NDC80: variants seen among roughly 807,000 people sequenced by gnomAD.
The protein encoded by NDC80 is NDC80 kinetochore complex component.
A neutral mutation model predicts 89.3 loss-of-function variants in NDC80; 69 were observed. The observed-to-expected ratio is 0.77, with a 90% CI of 0.64 to 0.94. The LOEUF is 0.94. Among genes scored for constraint, NDC80 ranks in the 40% least tolerant of loss-of-function variants. The pLI is 0.00. For missense variants in NDC80, 593 were observed against 739.6 expected, an observed-to-expected ratio of 0.80 and a Z score of 2.30; for synonymous variants, 243 against 255.6, an observed-to-expected ratio of 0.95 and a Z score of 0.47.
rs2072539180 is a variant in NDC80, at chr18:2,575,032, A to G, written c.145A>G (p.Thr49Ala). 9 of 1,612,376 alleles carry G rather than the reference A, an allele frequency of 5.6e-6. No individual in the cohort carries two copies. The East Asian group carries it at 2.0e-4, about 36-fold the overall frequency. The change falls in exon 3 of 17, where the codon ACA becomes GCA. Residue 49 changes from threonine to alanine, a missense_variant. Thr to Ala is a moderately conservative substitution (Grantham distance 58, BLOSUM62 0). Transcript: ENST00000261597. The stretch of plus-strand genomic sequence containing the variant: ...TGGAAAGTTGAGTATAAACAAACCG[A>G]CATCTGAAAGAAAAGTCTCGCTATT... ...TFGKLSINKP[T>A]SERKVSLFGK...
chr18:2,604,460 A>G (rs2072700039), intron 13 of NDC80, among the ~76,000 whole-genome samples: 1 of 152,216 alleles, frequency 6.6e-6, no homozygotes, highest in Admixed American at 6.5e-5. Context: ...AGGCGGGTGG[A>G]TGGCTTGAGC....
chr18:2,598,911 A>G (rs2072670416), intron 11 of NDC80, 108 bp from the exon 12 acceptor site: 3 of 1,100,220 alleles, frequency 2.7e-6, no homozygotes, highest in East Asian at 2.6e-5. Context: ...TTAGTAAACT[A>G]CTAAAAATAG....
chr18:2,591,784 TTGC>T (rs901384814), intron 10 of NDC80, among the ~76,000 whole-genome samples: 2 of 151,328 alleles, frequency 1.3e-5, no homozygotes, highest in African/African-American at 4.9e-5. Flanking sequence ...AGATGTAGTC[TTGC>T]TGTGTCACCC....
chr18:2,589,110 G>A (rs2072614939), intron 8 of NDC80, 94 bp from the exon 9 acceptor site: 2 of 797,414 alleles, frequency 2.5e-6, no homozygotes, highest in Non-Finnish European at 4.4e-6. Flanking sequence ...GCAGAGACCA[G>A]AAGGAAGTGA....
At chr18:2,585,676 G>A (rs564138785) in intron 7 of NDC80, among the ~76,000 whole-genome samples, 1 of 150,540 alleles carries the variant, frequency 6.6e-6, no homozygotes, top group East Asian at 2.0e-4. Flanking sequence ...TTATAAATTT[G>A]TTTTTTTTAA....
chr18:2,578,762 C>G (rs1263002226), intron 5 of NDC80, among the ~76,000 whole-genome samples, 165 bp from the exon 6 acceptor site: 1 of 152,222 alleles, frequency 6.6e-6, no homozygotes, highest in Non-Finnish European at 1.5e-5. Flanking sequence ...GAGAAATACA[C>G]AGAGATAAGA....
At chr18:2,581,267 G>A (rs1323532447) in intron 6 of NDC80, among the ~76,000 whole-genome samples, 3 of 152,114 alleles carry the variant, frequency 2.0e-5, no homozygotes, top group African/African-American at 7.2e-5. Flanking sequence ...TCTTTGTGCT[G>A]TGTTTAAATC....
rs774669211 is a variant in NDC80, at chr18:2,608,849, G to C, written c.1688+19G>C. 41 of 1,579,634 alleles carry C rather than the reference G, an allele frequency of 2.6e-5. 1 individual carries two copies. Among genetic ancestry groups the C allele is most frequent in the Non-Finnish European group, 3.5e-5 (40 of 1,156,438 alleles). ...AGCGGGAGTAAGTTTATCTCACCAAGATTTATACGTTTATTTTCAGATTAT... is the reference window on the plus strand; with the variant it reads ...AGCGGGAGTAAGTTTATCTCACCAACATTTATACGTTTATTTTCAGATTAT... On this transcript the variant is annotated intron_variant, in intron 15 of 16. Coordinates refer to ENST00000261597, the MANE Select transcript of NDC80 (RefSeq NM_006101.3).
At chr18:2,577,468 C>T (rs1040285622) in intron 3 of NDC80, 4 of 267,742 alleles carry the variant, frequency 1.5e-5, no homozygotes, top group Non-Finnish European at 2.2e-5. Flanking sequence ...ACCGCCTCAG[C>T]CTCCCAAAGT....
At chr18:2,607,817 A>G (rs1031829323) in intron 14 of NDC80, among the ~76,000 whole-genome samples, 1 of 149,788 alleles carries the variant, frequency 6.7e-6, no homozygotes, top group Non-Finnish European at 1.5e-5. Flanking sequence ...TCTTCCAGAT[A>G]TACAAACATA....
At chr18:2,590,270 T>C in intron 10 of NDC80, 108 bp downstream of exon 10, 2 of 1,134,492 alleles carry the variant, frequency 1.8e-6, no homozygotes, top group Non-Finnish European at 2.4e-6. Context: ...GGTACATGCT[T>C]AGAGCAGGCT....
rs142862448 is a variant in NDC80, at chr18:2,578,029, G to C, written c.364G>C (p.Val122Leu). Reference protein sequence around the residue: ...VSMKSLQAPSVKDFLKIFTFL... With the variant: ...VSMKSLQAPSLKDFLKIFTFL... Reference sequence around the variant, plus strand: ...CATGAAATCTCTACAAGCTCCCTCTGTTAAAGACTTCCTGAAGATCTTCAC... The same window carrying C: ...CATGAAATCTCTACAAGCTCCCTCTCTTAAAGACTTCCTGAAGATCTTCAC... Residue 122 changes from valine (V) to leucine (L), a missense_variant, in exon 5 of 17, where the codon GTT becomes CTT. By Grantham distance (32) the Val-to-Leu change is conservative. Transcript: ENST00000261597. The C allele has an allele frequency of 3.3e-4, 528 of 1,613,926 alleles. No individual in the cohort carries two copies. The highest frequency in any genetic ancestry group is 4.2e-4 in the Admixed American group (25 of 60,002).
intron 7 of NDC80, among the ~76,000 whole-genome samples, chr18:2,586,495 C>T (rs1192137678): frequency 1.3e-5 from 2 of 152,082 alleles, no homozygotes; most frequent in African/African-American, 2.4e-5. Context: ...TTTGGGAGGC[C>T]GAGGTGGGCA....
intron 16 of NDC80, chr18:2,614,457 A>AAGAC (rs1598248471): frequency 1.6e-4 from 1 of 6,434 alleles, no homozygotes. Flanking sequence ...GAAAGAAAGA[A>AAGAC]AGAAAGAAAG....
intron 3 of NDC80, 71 bp from the exon 4 acceptor site, chr18:2,577,675 G>T: frequency 1.9e-6 from 3 of 1,551,124 alleles, no homozygotes; most frequent in Non-Finnish European, 2.6e-6. Context: ...ATGCAAAACT[G>T]CCTTGAAATA....
At chr18:2,574,056 A>G (rs184563122) in intron 2 of NDC80, among the ~76,000 whole-genome samples, 1 of 152,294 alleles carries the variant, frequency 6.6e-6, no homozygotes, top group East Asian at 1.9e-4. Flanking sequence ...ACCTTTGACC[A>G]TTTTGTCTTA....
chr18:2,604,176 AAAC>A (rs1369262210), intron 13 of NDC80, among the ~76,000 whole-genome samples: 1 of 151,886 alleles, frequency 6.6e-6, no homozygotes, highest in Non-Finnish European at 1.5e-5. Context: ...ATGGGCATGA[AAAC>A]AATTTCTTCT....
intron 13 of NDC80, among the ~76,000 whole-genome samples, chr18:2,605,333 T>C (rs1025518226): frequency 3.5e-5 from 5 of 144,416 alleles, no homozygotes; most frequent in African/African-American, 1.3e-4. Context: ...TGTGTGTATG[T>C]ACACAATGGA....
intron 8 of NDC80, 74 bp downstream of exon 8, chr18:2,587,997 AT>A: frequency 6.0e-6 from 7 of 1,161,200 alleles, no homozygotes; most frequent in Non-Finnish European, 8.9e-6. Context: ...TTTATTTACC[AT>A]ATCCAGTGTT....
Sources: gnomAD v4.1 joint callset for allele counts (sites outside exome capture counted in the v4.1 genomes callset) on GRCh38, gnomAD v4.1.1 for gene constraint, MANE v1.5 for transcripts, NCBI Gene and HGNC (gene_info 2026-07-23, HGNC 2026-07-21) for gene names.